Variants in FHIP1B observed in about 807,000 individuals in gnomAD.
The protein encoded by FHIP1B is FHF complex subunit HOOK interacting protein 1B, also known as FHF complex subunit HOOK-interacting protein 1B.
A neutral mutation model predicts 82.2 loss-of-function variants in FHIP1B; 28 were observed. That is an observed-to-expected ratio of 0.34 (90% CI 0.25 to 0.47). The LOEUF is 0.47. Among genes scored for constraint, FHIP1B ranks in the 20% least tolerant of loss-of-function variants. The probability of loss-of-function intolerance (pLI) is 1.00; values close to 1 mark genes in which losing one functional copy is unlikely to be tolerated. For missense variants in FHIP1B, 1,110 were observed against 1,262.6 expected (o/e 0.88, Z 1.83); for synonymous variants, 585 against 516.1 (o/e 1.13, Z -1.81).
chr11:6,226,260 G>A (rs1847561958), intron 1 of FHIP1B, among the ~76,000 whole-genome samples: 1 of 152,168 alleles, frequency 6.6e-6, no homozygotes, highest in South Asian at 2.1e-4. Flanking sequence ...TATAGAACAG[G>A]TGAGTCTTAT....
In FHIP1B at chr11:6,214,483, T is replaced by A; in HGVS notation, c.2485A>T (p.Ile829Phe). The A allele has an allele frequency of 6.2e-7, 1 of 1,614,182 alleles. No homozygotes were observed. Among genetic ancestry groups the A allele is most frequent in the Non-Finnish European group, 8.5e-7 (1 of 1,180,034 alleles). The change falls in exon 11 of 12, where the codon ATT becomes TTT. Residue 829 changes from isoleucine to phenylalanine, a missense_variant. By Grantham distance (21) the Ile-to-Phe change is conservative. Around this residue, in one of 6 missense-constraint regions of FHIP1B, gnomAD observed 147 missense variants for 154.0 expected, o/e 0.95. Coordinates refer to ENST00000449352, the MANE Select transcript of FHIP1B (RefSeq NM_001098794.2). ...ALLSKAKKYL[I>F]ARGKLDWAEG... ...GCCCAGTCCAACTTGCCACGGGCAA[T>A]GAGGTACTTCTTGGCTTTGGACAGC...
intron 11 of FHIP1B, among the ~76,000 whole-genome samples, chr11:6,213,093 C>G (rs1336221106): frequency 6.6e-6 from 1 of 152,182 alleles, no homozygotes; most frequent in African/African-American, 2.4e-5. Flanking sequence ...CCTTGTCTAC[C>G]TGGCCCCTCT....
chr11:6,230,446 G>A (rs1208549539), intron 1 of FHIP1B, among the ~76,000 whole-genome samples: 1 of 152,124 alleles, frequency 6.6e-6, no homozygotes, highest in Non-Finnish European at 1.5e-5. Context: ...GAAATACAAA[G>A]GGAAAAACCA....
chr11:6,218,936 G>T, intron 7 of FHIP1B, 35 bp downstream of exon 7: 2 of 1,605,788 alleles, frequency 1.2e-6, no homozygotes, highest in South Asian at 1.1e-5. Flanking sequence ...GAGGCTTCAG[G>T]GTCAGCCATC....
intron 1 of FHIP1B, among the ~76,000 whole-genome samples, chr11:6,225,072 C>T (rs1306371291): frequency 1.3e-5 from 2 of 152,190 alleles, no homozygotes; most frequent in Non-Finnish European, 2.9e-5. Flanking sequence ...TCCATGATTC[C>T]TTTACTATCC....
chr11:6,218,190 A>C (rs780080075), intron 8 of FHIP1B, 40 bp from the exon 9 acceptor site: 1 of 1,570,930 alleles, frequency 6.4e-7, no homozygotes. Context: ...AAGGAGACAG[A>C]GGTTCAGAAG....
chr11:6,227,482 G>A (rs187054942), intron 1 of FHIP1B, among the ~76,000 whole-genome samples: 3 of 152,304 alleles, frequency 2.0e-5, no homozygotes, highest in Admixed American at 6.5e-5. Context: ...AAAAGATAAA[G>A]CCATTAACAG....
In FHIP1B at chr11:6,217,863, G is replaced by A. The variant is rs1471149436; in HGVS notation, c.1723C>T (p.Pro575Ser). Reference protein sequence around the residue: ...CVRACRTWSAPYDGERPSPEP... With the variant: ...CVRACRTWSASYDGERPSPEP... The stretch of plus-strand genomic sequence containing the variant: ...GGAGAGGGCCGCTCGCCATCATAGG[G>A]GGCAGACCAGGTACGGCAGGCTCGG... Residue 575 changes from proline (P) to serine (S), a missense_variant, in exon 9 of 12, where the codon CCC becomes TCC. Transcript: ENST00000449352. 2 of 1,613,822 alleles carry A rather than the reference G, an allele frequency of 1.2e-6. No homozygotes were observed. Among genetic ancestry groups the A allele is most frequent in the East Asian group, 2.2e-5 (1 of 44,878 alleles).
intron 1 of FHIP1B, among the ~76,000 whole-genome samples, chr11:6,228,873 C>T (rs1363518931): frequency 6.6e-6 from 1 of 152,214 alleles, no homozygotes; most frequent in Non-Finnish European, 1.5e-5. Context: ...CCCAATTAGG[C>T]ATGGACTGGA....
At position 6,224,542 on chromosome 11, in the gene FHIP1B, C is replaced by A; in HGVS notation, c.-26G>T. On this transcript the variant is annotated 5_prime_UTR_variant, in exon 2 of 12. Coordinates refer to ENST00000449352, the MANE Select transcript of FHIP1B (RefSeq NM_001098794.2). ...GAGGCAGGCTGGGCAGGACTGGCAG[C>A]CAGAGGCCTACACTCTGAGGATTTG... 6.3e-7 allele frequency: 1 copy of A among 1,589,166 alleles called. No individual in the cohort carries two copies. The highest frequency in any genetic ancestry group is 1.1e-5 in the South Asian group (1 of 87,076).
intron 1 of FHIP1B, among the ~76,000 whole-genome samples, chr11:6,229,917 C>T (rs1412214380): frequency 1.4e-5 from 2 of 144,362 alleles, no homozygotes; most frequent in African/African-American, 5.2e-5. Flanking sequence ...CAGAACAAGA[C>T]AAAGAAAAGG....
At chr11:6,217,218 T>C in intron 9 of FHIP1B, 153 bp downstream of exon 9, 1 of 736,452 alleles carries the variant, frequency 1.4e-6, no homozygotes, top group Non-Finnish European at 2.4e-6. Flanking sequence ...AAGTATGACA[T>C]GACACGTATC....
chr11:6,231,316 G>A (rs1449069970), intron 1 of FHIP1B, among the ~76,000 whole-genome samples: 2 of 151,982 alleles, frequency 1.3e-5, no homozygotes, highest in Non-Finnish European at 2.9e-5. Flanking sequence ...GGGCAAAGTC[G>A]GGCTTTTGGG....
In FHIP1B at chr11:6,211,443, A is replaced by G. The variant is rs962602514; in HGVS notation, c.*63T>C. 85 of 1,506,180 alleles carry G rather than the reference A, an allele frequency of 5.6e-5. No individual in the cohort carries two copies. The highest frequency in any genetic ancestry group is 7.3e-5 in the Non-Finnish European group (83 of 1,131,628). The allele number at this position is 1,506,180 out of a possible 1,614,324, so 93.3% of individuals were successfully genotyped here. A position where few individuals can be genotyped will look rare whatever the true frequency, so the allele number is the denominator to read the frequency against. On this transcript the variant is annotated 3_prime_UTR_variant, in exon 12 of 12. Coordinates refer to ENST00000449352, the MANE Select transcript of FHIP1B (RefSeq NM_001098794.2). The stretch of plus-strand genomic sequence containing the variant: ...TTTTGCCACTGCCTCCAAACATAAA[A>G]AGGAGCCTGTGCCCTAGCCCCAGCC...
intron 1 of FHIP1B, among the ~76,000 whole-genome samples, chr11:6,230,820 G>A (rs1847678515): frequency 6.6e-6 from 1 of 152,242 alleles, no homozygotes; most frequent in African/African-American, 2.4e-5. Context: ...TCCTAGTAGA[G>A]GAAGCAGCTA....
In FHIP1B at chr11:6,227,441, A is replaced by G. The variant is rs182006346; in HGVS notation, c.-191-2734T>C. ...TGGCAAACAAATGGGGGATGAGAGA[A>G]GACTCTCATAGGAAGTATAGGAGAT... On this transcript the variant is annotated intron_variant, in intron 1 of 11. Transcript: ENST00000449352. Among the ~76,000 whole-genome samples, 166 of 152,358 alleles carry G rather than the reference A, an allele frequency of 1.1e-3. 1 individual carries two copies. The highest frequency in any genetic ancestry group is 1.0e-4 in the Non-Finnish European group (7 of 68,030).
At position 6,224,187 on chromosome 11, in the gene FHIP1B, C is replaced by T. The variant is rs1847498653; in HGVS notation, c.200G>A (p.Ser67Asn). ...CTGGTAAGTGTGGTTGCGCACAGCACTGAGATCGTCTGCACCCCCAGGAGC... is the reference window on the plus strand; with the variant it reads ...CTGGTAAGTGTGGTTGCGCACAGCATTGAGATCGTCTGCACCCCCAGGAGC... ...RAAPGGADDLSAVRNHTYQML... is the reference protein window; with the variant it reads ...RAAPGGADDLNAVRNHTYQML... Residue 67 changes from serine (S) to asparagine (N), a missense_variant, in exon 3 of 12, where the codon AGT becomes AAT. Around this residue, in one of 6 missense-constraint regions of FHIP1B, gnomAD observed 467 missense variants for 602.9 expected, o/e 0.77. Transcript: ENST00000449352. The T allele has an allele frequency of 1.9e-6, 3 of 1,612,922 alleles. No homozygotes were observed. Among genetic ancestry groups the T allele is most frequent in the South Asian group, 2.2e-5 (2 of 90,920 alleles).
At chr11:6,214,943 C>G (rs1360795438) in intron 9 of FHIP1B, 32 bp from the exon 10 acceptor site, 1 of 1,522,004 alleles carries the variant, frequency 6.6e-7, no homozygotes, top group Middle Eastern at 1.8e-4. Flanking sequence ...CACAAGGATA[C>G]AAAGCCTGAA....
intron 9 of FHIP1B, 86 bp downstream of exon 9, chr11:6,217,285 G>T: frequency 8.0e-7 from 1 of 1,249,052 alleles, no homozygotes; most frequent in Non-Finnish European, 1.2e-6. Context: ...GAAATGACAT[G>T]GCCAAGAGGT....
Sources: gnomAD v4.1 joint callset for allele counts (sites outside exome capture counted in the v4.1 genomes callset) on GRCh38, gnomAD v4.1.1 for gene constraint, gnomAD v4.1.1 regional missense constraint, MANE v1.5 for transcripts, NCBI Gene and HGNC (gene_info 2026-07-23, HGNC 2026-07-21) for gene names.